Variants in YEATS4 observed in about 807,000 individuals in gnomAD.
YEATS4 encodes the protein YEATS domain containing 4, also known as YEATS domain-containing protein 4.
In YEATS4, 17 loss-of-function variants were observed where a neutral mutation model predicts 30.1. The observed-to-expected ratio is 0.56, with a 90% CI of 0.39 to 0.85. YEATS4 has a LOEUF of 0.85. Among genes scored for constraint, YEATS4 ranks in the 40% least tolerant of loss-of-function variants. The probability of loss-of-function intolerance (pLI) is 0.00; values close to 1 mark genes in which losing one functional copy is unlikely to be tolerated. For missense variants in YEATS4, 142 were observed against 268.3 expected, an observed-to-expected ratio of 0.53 and a Z score of 3.29; for synonymous variants, 85 against 87.5, an observed-to-expected ratio of 0.97 and a Z score of 0.16.
At position 69,379,583 on chromosome 12, in the gene YEATS4, A is replaced by ATTTTTTTTTTTTT. The variant is rs61048163; in HGVS notation, c.514+8633_514+8645dup. 1.1e-4 allele frequency among the ~76,000 whole-genome samples: 8 copies of ATTTTTTTTTTTTT among 72,272 alleles called. 1 individual carries two copies. The highest frequency in any genetic ancestry group is 1.5e-4 in the Non-Finnish European group (6 of 39,108). The allele number at this position is 72,272 out of a possible 152,430, so 47.4% of individuals were successfully genotyped here. On this transcript the variant is annotated intron_variant, in intron 6 of 6. Transcript: ENST00000247843. ...CACATGCCACCACTATGCCCAGCTA[A>ATTTTTTTTTTTTT]TTTTTTTTTTTTTTTTTTTTTTTTT...
At chr12:69,368,399 C>A (rs1276123256) in intron 4 of YEATS4, among the ~76,000 whole-genome samples, 2 of 152,164 alleles carry the variant, frequency 1.3e-5, no homozygotes, top group Non-Finnish European at 2.9e-5. Flanking sequence ...TCAAACACCA[C>A]TCAAAATTAC....
At chr12:69,405,042 A>C in the YEATS4 span, among the ~76,000 whole-genome samples, 2 of 152,202 alleles carry the variant, frequency 1.3e-5, no homozygotes, top group African/African-American at 4.8e-5. Context: ...CCTTGGATAG[A>C]GTAATCTTGT....
chr12:69,396,945 T>C, the YEATS4 span, among the ~76,000 whole-genome samples: 1 of 152,206 alleles, frequency 6.6e-6, no homozygotes, highest in Non-Finnish European at 1.5e-5. Flanking sequence ...AAATAAACTT[T>C]CCTGAGCCTC....
intron 6 of YEATS4, among the ~76,000 whole-genome samples, chr12:69,376,602 C>T (rs1253705416): frequency 6.6e-6 from 1 of 152,098 alleles, no homozygotes; most frequent in East Asian, 1.9e-4. Context: ...TTGTTGAATT[C>T]TTTTTGCTAG....
the YEATS4 span, among the ~76,000 whole-genome samples, chr12:69,415,386 C>A: frequency 7.2e-5 from 11 of 152,042 alleles, no homozygotes; most frequent in Middle Eastern, 3.2e-3. Flanking sequence ...ACCAGCCTGG[C>A]CAACATGGTG....
downstream of YEATS4, among the ~76,000 whole-genome samples, chr12:69,392,726 T>G (rs1423130614): frequency 6.6e-6 from 1 of 152,210 alleles, no homozygotes; most frequent in Non-Finnish European, 1.5e-5. Flanking sequence ...GATAGGAGAT[T>G]AAGGAACTAT....
At chr12:69,360,383 C>T (rs1451598140) in intron 1 of YEATS4, among the ~76,000 whole-genome samples, 7 of 152,182 alleles carry the variant, frequency 4.6e-5, no homozygotes, top group Non-Finnish European at 8.8e-5. Flanking sequence ...CGCCACCCTC[C>T]TGGTGTGAGG....
chr12:69,419,095 T>C, the YEATS4 span, among the ~76,000 whole-genome samples: 1 of 150,304 alleles, frequency 6.7e-6, no homozygotes, highest in Non-Finnish European at 1.5e-5. Flanking sequence ...TCATTCTTCC[T>C]TTAGTGCCCA....
chr12:69,414,630 G>T, the YEATS4 span, among the ~76,000 whole-genome samples: 2 of 152,160 alleles, frequency 1.3e-5, no homozygotes, highest in Admixed American at 6.5e-5. Flanking sequence ...GTCCATTTCT[G>T]TCCAGAACAT....
chr12:69,400,406 A>C, the YEATS4 span, among the ~76,000 whole-genome samples: 1 of 152,152 alleles, frequency 6.6e-6, no homozygotes, highest in South Asian at 2.1e-4. Context: ...TTGTGTGTAT[A>C]TAAACAATAC....
the YEATS4 span, among the ~76,000 whole-genome samples, chr12:69,423,192 A>G: frequency 2.0e-5 from 3 of 152,116 alleles, no homozygotes; most frequent in Admixed American, 1.3e-4. Context: ...AAATCAAACC[A>G]ATAAAGACCT....
At chr12:69,374,641 C>T (rs543991838) in intron 6 of YEATS4, among the ~76,000 whole-genome samples, 55 of 142,048 alleles carry the variant, frequency 3.9e-4, no homozygotes, top group Middle Eastern at 3.5e-3. Context: ...GCACATCTTG[C>T]GCCGCCCTTA....
intron 6 of YEATS4, among the ~76,000 whole-genome samples, chr12:69,375,851 A>C (rs559289447): frequency 3.3e-5 from 5 of 152,024 alleles, no homozygotes; most frequent in Non-Finnish European, 7.4e-5. Context: ...AGATGGCGGC[A>C]GTACAGTCCA....
chr12:69,382,577 G>C (rs1876123048), intron 6 of YEATS4, among the ~76,000 whole-genome samples: 1 of 152,186 alleles, frequency 6.6e-6, no homozygotes, highest in Non-Finnish European at 1.5e-5. Context: ...CCAGGCCTGG[G>C]ACTTTCCCTT....
the YEATS4 span, among the ~76,000 whole-genome samples, chr12:69,418,003 C>T: frequency 1.3e-5 from 2 of 152,034 alleles, no homozygotes. Flanking sequence ...GTTTCTGGCT[C>T]TTTCGTTTAC....
At chr12:69,367,198 C>T (rs1340267183) in intron 4 of YEATS4, among the ~76,000 whole-genome samples, 1 of 152,044 alleles carries the variant, frequency 6.6e-6, no homozygotes, top group East Asian at 1.9e-4. Context: ...GTTACGCTTC[C>T]CTGAACTTTT....
intron 6 of YEATS4, among the ~76,000 whole-genome samples, chr12:69,373,899 T>C (rs1592852543): frequency 3.3e-5 from 5 of 152,320 alleles, no homozygotes; most frequent in African/African-American, 1.2e-4. Flanking sequence ...TCCTCAAGTA[T>C]ATATTCTTGG....
the YEATS4 span, among the ~76,000 whole-genome samples, chr12:69,406,190 A>G: frequency 6.6e-6 from 1 of 152,196 alleles, no homozygotes. Context: ...ATTTTTAATA[A>G]TATTGTCAAA....
chr12:69,407,702 CTTTTTTTTTTTTTT>C, the YEATS4 span, among the ~76,000 whole-genome samples: 39 of 62,640 alleles, frequency 6.2e-4, no homozygotes, highest in Admixed American at 7.6e-4. Context: ...TACTTTTTGT[CTTTTTTTTTTTTTT>C]TTTTTTTTTT....
Sources: allele counts gnomAD v4.1 joint callset (sites outside exome capture counted in the v4.1 genomes callset), GRCh38; gene constraint gnomAD v4.1.1; transcripts MANE v1.5; gene names NCBI Gene and HGNC (gene_info 2026-07-23, HGNC 2026-07-21).